SMARCC2: variants seen among roughly 807,000 people sequenced by gnomAD.
The protein encoded by SMARCC2 is SWI/SNF related BAF chromatin remodeling complex subunit C2.
A neutral mutation model predicts 151.3 loss-of-function variants in SMARCC2; 15 were observed. That is an observed-to-expected ratio of 0.10 (90% CI 0.07 to 0.15). SMARCC2 has a LOEUF of 0.15. SMARCC2 is among the 10% of genes least tolerant of loss of function. The pLI is 1.00. For missense variants in SMARCC2, 1,031 were observed against 1,599.7 expected, an observed-to-expected ratio of 0.64 and a Z score of 6.06; for synonymous variants, 590 against 609.5, an observed-to-expected ratio of 0.97 and a Z score of 0.47.
chr12:56,166,828 C>G (rs988644314), intron 26 of SMARCC2, among the ~76,000 whole-genome samples: 1 of 152,134 alleles, frequency 6.6e-6, no homozygotes, highest in African/African-American at 2.4e-5. Flanking sequence ...CTTTGGGAGG[C>G]TGAGGTGGGC....
intron 26 of SMARCC2, among the ~76,000 whole-genome samples, chr12:56,167,292 G>A (rs1565895014): frequency 6.6e-6 from 1 of 152,152 alleles, no homozygotes. Context: ...ACGTTGTGGT[G>A]AGCGAAGATC....
chr12:56,189,451 C>T lies in SMARCC2; in HGVS notation c.11G>A (p.Arg4Gln). 1.3e-6 allele frequency: 2 copies of T among 1,495,248 alleles called. No homozygotes were observed. The highest frequency in any genetic ancestry group is 1.8e-6 in the Non-Finnish European group (2 of 1,112,442). 92.6% of individuals were successfully genotyped at this position (1,495,248 alleles called of 1,614,324 possible). A position where few individuals can be genotyped will look rare whatever the true frequency, so the allele number is the denominator to read the frequency against. The change falls in exon 1 of 29, where the codon CGG (arginine) becomes CAG (glutamine). Residue 4 changes from arginine to glutamine, a missense_variant. This residue lies in a region of SMARCC2 where 50 missense variants were observed against 52.4 expected (regional missense o/e 0.95). Transcript: ENST00000550164. Reference sequence around the variant, plus strand: ...CACGTTGGGGCCGCCGTCCTTCTTCCGCACCGCCATCTTCTCCGGCTCGGG... The same window carrying T: ...CACGTTGGGGCCGCCGTCCTTCTTCTGCACCGCCATCTTCTCCGGCTCGGG... Reference protein sequence around the residue: MAVRKKDGGPNVKY... With the variant: MAVQKKDGGPNVKY...
rs200472429 is a variant in SMARCC2, at chr12:56,168,198, G to C, written c.2716-4C>G. On this transcript the variant is annotated splice_polypyrimidine_tract_variant and splice_region_variant and intron_variant, in intron 25 of 28. Coordinates refer to ENST00000550164, the MANE Select transcript of SMARCC2 (RefSeq NM_001330288.2). ...TTTCCTCAACAGCAGCCAAGTGCTAGGGAAGGAGGGGCGAGACAGCACATC... is the reference window on the plus strand; with the variant it reads ...TTTCCTCAACAGCAGCCAAGTGCTACGGAAGGAGGGGCGAGACAGCACATC... The C allele has an allele frequency of 2.3e-4, 368 of 1,613,916 alleles. No individual in the cohort carries two copies. The highest frequency in any genetic ancestry group is 2.9e-4 in the Non-Finnish European group (341 of 1,180,008).
chr12:56,170,246 T>G, intron 22 of SMARCC2, 38 bp from the exon 23 acceptor site: 1 of 1,544,946 alleles, frequency 6.5e-7, no homozygotes, highest in African/African-American at 1.4e-5. Flanking sequence ...AGGAAATGTT[T>G]AATACACAGT....
In SMARCC2 at chr12:56,163,107, G is replaced by C. The variant is rs1300266386; in HGVS notation, c.*582C>G. On this transcript the variant is annotated 3_prime_UTR_variant, in exon 29 of 29. Transcript: ENST00000550164. ...AGGGATTATTAGTACGAATGAACTCGAATAAGCTCAGCGTAGGGTGGGGGA... is the reference window on the plus strand; with the variant it reads ...AGGGATTATTAGTACGAATGAACTCCAATAAGCTCAGCGTAGGGTGGGGGA... 1 of 151,618 alleles carries C rather than the reference G, an allele frequency of 6.6e-6. No homozygotes were observed. Among genetic ancestry groups the C allele is most frequent in the East Asian group, 1.9e-4 (1 of 5,156 alleles). The allele number at this position is 151,618 out of a possible 1,614,324, so 9.4% of individuals were successfully genotyped here. A position where few individuals can be genotyped will look rare whatever the true frequency, so the allele number is the denominator to read the frequency against.
At chr12:56,188,367 C>G (rs1877674947) in intron 1 of SMARCC2, among the ~76,000 whole-genome samples, 1 of 152,170 alleles carries the variant, frequency 6.6e-6, no homozygotes, top group African/African-American at 2.4e-5. Context: ...GTAGGAAGTT[C>G]TCCTAAGCCA....
intron 7 of SMARCC2, 154 bp downstream of exon 7, chr12:56,183,707 C>G: frequency 1.8e-6 from 1 of 562,752 alleles, no homozygotes; most frequent in Non-Finnish European, 3.2e-6. Context: ...GTCCAAACCT[C>G]CCCCAAGACA....
intron 26 of SMARCC2, 101 bp from the exon 27 acceptor site, chr12:56,165,800 A>C: frequency 8.3e-7 from 1 of 1,209,912 alleles, no homozygotes; most frequent in South Asian, 1.3e-5. Context: ...CCTGCCTCTC[A>C]ATCAGAAGGT....
intron 25 of SMARCC2, 92 bp from the exon 26 acceptor site, chr12:56,168,286 G>C (rs748630449): frequency 6.8e-6 from 10 of 1,463,554 alleles, no homozygotes; most frequent in Non-Finnish European, 8.4e-6. Flanking sequence ...GCAGGTATAA[G>C]AACAAATTTG....
In SMARCC2 at chr12:56,186,610, A is replaced by G. The variant is rs962600888; in HGVS notation, c.232-370T>C. 20 of 244,102 alleles carry G rather than the reference A, an allele frequency of 8.2e-5. No homozygotes were observed. In the Admixed American group the frequency reaches 8.8e-4, roughly 11 times the overall value. The allele number at this position is 244,102 out of a possible 1,614,324, so 15.1% of individuals were successfully genotyped here. On this transcript the variant is annotated intron_variant, in intron 2 of 28. Transcript: ENST00000550164. ...GGTGATCTGCCCGCCTCGGCCTCCC[A>G]AAGTGCTGAGATTACAGGCGTGAGC...
rs1876273654 is a variant in SMARCC2, at chr12:56,181,851, A to G, written c.709-16T>C. 1 of 1,614,058 alleles carries G rather than the reference A, an allele frequency of 6.2e-7. No individual in the cohort carries two copies. Among genetic ancestry groups the G allele is most frequent in the South Asian group, 1.1e-5 (1 of 91,084 alleles). ...TTGCATGAACCTAAAGTACAAAGGC[A>G]GATCATGCTGCAGAGAAGCCTGGAA... On this transcript the variant is annotated splice_polypyrimidine_tract_variant and intron_variant, in intron 8 of 28. Coordinates refer to ENST00000550164, the MANE Select transcript of SMARCC2 (RefSeq NM_001330288.2).
intron 10 of SMARCC2, 107 bp from the exon 11 acceptor site, chr12:56,181,208 C>G: frequency 1.7e-6 from 2 of 1,144,170 alleles, no homozygotes; most frequent in Non-Finnish European, 2.5e-6. Context: ...AAGGGTAGAG[C>G]TGAGTACAAA....
intron 25 of SMARCC2, among the ~76,000 whole-genome samples, chr12:56,168,477 C>T (rs974462193): frequency 4.6e-5 from 7 of 151,790 alleles, no homozygotes; most frequent in African/African-American, 1.7e-4. Context: ...TGGGTTCAAG[C>T]AATTCTCGTG....
intron 15 of SMARCC2, among the ~76,000 whole-genome samples, chr12:56,176,122 G>A (rs1455044490): frequency 6.6e-6 from 1 of 152,046 alleles, no homozygotes; most frequent in South Asian, 2.1e-4. Context: ...CTCCCAAAGT[G>A]CTGGAATTAC....
intron 26 of SMARCC2, among the ~76,000 whole-genome samples, chr12:56,167,141 C>G (rs748561864): frequency 6.7e-6 from 1 of 150,330 alleles, no homozygotes; most frequent in Non-Finnish European, 1.5e-5. Context: ...CACCTGAGAT[C>G]GGGAGTTCGA....
In SMARCC2 at chr12:56,171,465, G is replaced by A. The variant is rs201013211; in HGVS notation, c.2186-33C>T. On this transcript the variant is annotated intron_variant, in intron 21 of 28. Transcript: ENST00000550164. This position sits in a 1 kb window ranked among gnomAD's most constrained non-coding sequence, Gnocchi z 4.2. The stretch of plus-strand genomic sequence containing the variant: ...ACCCAGAAAGAATGAGGCTGGGAGC[G>A]GCACAGTGGAACAGTTCTGGCAATC... The A allele has an allele frequency of 5.6e-5, 90 of 1,613,312 alleles. No homozygotes were observed. The highest frequency in any genetic ancestry group is 6.7e-5 in the Non-Finnish European group (79 of 1,179,428).
chr12:56,172,770 G>GA, intron 18 of SMARCC2, 66 bp from the exon 19 acceptor site: 3 of 1,603,858 alleles, frequency 1.9e-6, no homozygotes, highest in South Asian at 2.2e-5. Context: ...CTGACAGAGA[G>GA]AAAAAACAGA....
At chr12:56,176,752 T>C (rs1028904740) in intron 15 of SMARCC2, among the ~76,000 whole-genome samples, 5 of 152,132 alleles carry the variant, frequency 3.3e-5, no homozygotes, top group Non-Finnish European at 7.4e-5. Flanking sequence ...GTGATTCTCC[T>C]GCCTCAGCCT....
intron 2 of SMARCC2, 82 bp from the exon 3 acceptor site, chr12:56,186,322 A>C: frequency 1.2e-6 from 1 of 859,354 alleles, no homozygotes. Flanking sequence ...TAATCCTTTC[A>C]CAAAATCCCA....
Sources: allele counts gnomAD v4.1 joint callset (sites outside exome capture counted in the v4.1 genomes callset), GRCh38; gene constraint gnomAD v4.1.1; regional missense constraint gnomAD v4.1.1; non-coding constraint Gnocchi (gnomAD v3.1); transcripts MANE v1.5; gene names NCBI Gene and HGNC (gene_info 2026-07-23, HGNC 2026-07-21).